The following ZMAT1 variants were observed in gnomAD, a reference collection of about 807,000 sequenced individuals.
The protein encoded by ZMAT1 is zinc finger matrin-type 1, also known as zinc finger matrin-type protein 1.
ZMAT1 carries 11 observed loss-of-function variants against 18.5 expected under a neutral mutation model. That is an observed-to-expected ratio of 0.59 (90% confidence interval 0.37 to 0.98). The LOEUF (loss-of-function observed/expected upper bound fraction) is 0.98, where lower values mean the gene tolerates loss of function less well. ZMAT1 is among the 50% of genes least tolerant of loss of function. ZMAT1 has a pLI of 0.01. For synonymous variants in ZMAT1, 211 were observed against 176.4 expected (o/e 1.20, Z -1.55); for missense variants, 525 against 496.2 (o/e 1.06, Z -0.55).
chrX:101,884,936 G>T (rs1603272331), intron 5 of ZMAT1, 115 bp from the exon 6 acceptor site: 2 of 458,264 alleles, frequency 4.4e-6, no homozygotes, highest in East Asian at 4.0e-5. Context: ...AACCCAAACA[G>T]ATTTTAAAAA....
intron 1 of ZMAT1, among the ~76,000 whole-genome samples, chrX:101,924,367 C>A (rs1929929587): frequency 8.9e-6 from 1 of 112,153 alleles, no homozygotes; most frequent in Non-Finnish European, 1.9e-5. Context: ...TCATCTCGGC[C>A]TCCCAAAGTG....
Position 101,883,802 on chromosome X carries a change from T to C in ZMAT1, c.1796A>G (p.Lys599Arg). The change falls in exon 6 of 6, where the codon AAA becomes AGA. Residue 599 changes from lysine to arginine, a missense_variant. Lys to Arg is a conservative substitution (Grantham distance 26, BLOSUM62 2). Transcript: ENST00000651725. ...TTCTTTGCCTTCTTCTAGGTGTCGT[T>C]TTCTCTTCTGATGTTTCCGTTTATG... ...AGHKRKHQKR[K>R]RHLEEGKERP... 7 of 1,210,624 alleles carry C rather than the reference T, an allele frequency of 5.8e-6. No individual in the cohort carries two copies. The highest frequency in any genetic ancestry group is 7.8e-6 in the Non-Finnish European group (7 of 895,167).
At chrX:101,908,419 G>GA (rs745524304) in intron 1 of ZMAT1, among the ~76,000 whole-genome samples, 1 of 111,141 alleles carries the variant, frequency 9.0e-6, no homozygotes, top group Admixed American at 9.5e-5. Context: ...TATCTACACA[G>GA]AAAAAAATAC....
chrX:101,931,518 G>T (rs1048456723), intron 1 of ZMAT1, 199 bp downstream of exon 1: 1 of 747,403 alleles, frequency 1.3e-6, no homozygotes, highest in Non-Finnish European at 1.6e-6. Context: ...GAGAGGTAGG[G>T]AAGGCCCTCT....
chrX:101,909,257 A>G lies in ZMAT1; in HGVS notation c.293-4927T>C, dbSNP rs1432554557. Among the ~76,000 whole-genome samples, 3 of 110,765 alleles carry G rather than the reference A, an allele frequency of 2.7e-5. No individual in the cohort carries two copies. In the Admixed American group the frequency reaches 2.9e-4, roughly 11 times the overall value. On this transcript the variant is annotated intron_variant, in intron 1 of 5. Coordinates refer to ENST00000651725, the MANE Select transcript of ZMAT1 (RefSeq NM_001394560.1). ...CTGAAGAGCCCTTGGGACCTGAATA[A>G]CCAGCAGTGATACCCAGGAACTACC...
intron 4 of ZMAT1, chrX:101,887,674 A>G (rs1188237993): frequency 9.0e-6 from 1 of 111,260 alleles, no homozygotes; most frequent in Non-Finnish European, 1.9e-5. Flanking sequence ...TAGAAACAGG[A>G]GACTGCTTGC....
chrX:101,907,355 G>A (rs902975691), intron 1 of ZMAT1, among the ~76,000 whole-genome samples: 1 of 112,333 alleles, frequency 8.9e-6, no homozygotes, highest in African/African-American at 3.2e-5. Flanking sequence ...CAACCCTGAA[G>A]ACCCAGATAC....
Position 101,882,991 on chromosome X carries a change from G to T in ZMAT1, c.*519C>A, listed in dbSNP as rs994790016. The T allele has an allele frequency of 5.4e-5, 6 of 110,863 alleles. No homozygotes were observed. The highest frequency in any genetic ancestry group is 2.0e-4 in the African/African-American group (6 of 30,630). 9.1% of individuals were successfully genotyped at this position (110,863 alleles called of 1,213,427 possible). On this transcript the variant is annotated 3_prime_UTR_variant, in exon 6 of 6. Coordinates refer to ENST00000651725, the MANE Select transcript of ZMAT1 (RefSeq NM_001394560.1). ...TTGAGTAGGTTTCTTTTTCTCTTAA[G>T]TTCTTGTGTTCTCATGTTAGTGTTG...
chrX:101,911,497 G>A (rs752241596), intron 1 of ZMAT1: 12 of 787,313 alleles, frequency 1.5e-5, no homozygotes, highest in East Asian at 6.8e-5. Flanking sequence ...AGTACAGTAA[G>A]ATATAAGTAA....
chrX:101,921,617 A>G (rs748109953), intron 1 of ZMAT1, among the ~76,000 whole-genome samples: 36 of 112,090 alleles, frequency 3.2e-4, no homozygotes, highest in Non-Finnish European at 5.3e-4. Context: ...GACTAAGAAC[A>G]TATCACAGCC....
intron 4 of ZMAT1, chrX:101,888,582 AT>A (rs368030958): frequency 4.5e-5 from 5 of 112,017 alleles, no homozygotes; most frequent in African/African-American, 1.6e-4. Flanking sequence ...TTTACACACG[AT>A]TTAACTGTGC....
intron 2 of ZMAT1, among the ~76,000 whole-genome samples, chrX:101,898,513 C>T (rs1455079242): frequency 8.9e-6 from 1 of 112,058 alleles, no homozygotes; most frequent in Non-Finnish European, 1.9e-5. Flanking sequence ...AGTTAAAAGA[C>T]TATGTTTTTC....
chrX:101,920,096 G>C (rs769086696), intron 1 of ZMAT1, among the ~76,000 whole-genome samples: 2 of 106,040 alleles, frequency 1.9e-5, no homozygotes, highest in South Asian at 8.6e-4. Context: ...CTGGAGTGCA[G>C]TGGCGCAATC....
At chrX:101,918,117 T>C (rs528854395) in intron 1 of ZMAT1, among the ~76,000 whole-genome samples, 1 of 111,558 alleles carries the variant, frequency 9.0e-6, no homozygotes, top group Non-Finnish European at 1.9e-5. Context: ...TAGTATTTGA[T>C]AGCACAACAA....
intron 2 of ZMAT1, 129 bp downstream of exon 2, chrX:101,904,095 C>A (rs2147626698): frequency 4.6e-6 from 2 of 435,970 alleles, no homozygotes; most frequent in Non-Finnish European, 7.7e-6. Flanking sequence ...TCTCCTCATC[C>A]ATCAAAGGAA....
intron 1 of ZMAT1, 34 bp from the exon 2 acceptor site, chrX:101,904,364 A>T: frequency 1.0e-6 from 1 of 992,713 alleles, no homozygotes; most frequent in Non-Finnish European, 1.4e-6. Context: ...AATATATCAC[A>T]TTAATAAATA....
intron 2 of ZMAT1, among the ~76,000 whole-genome samples, chrX:101,898,467 C>A (rs1476523728): frequency 1.8e-5 from 2 of 111,974 alleles, no homozygotes; most frequent in Non-Finnish European, 3.8e-5. Flanking sequence ...CAAATATCTT[C>A]TTTTTACTTA....
chrX:101,904,089 C>T (rs1208746655), intron 2 of ZMAT1, 135 bp downstream of exon 2: 1 of 430,247 alleles, frequency 2.3e-6, no homozygotes, highest in Non-Finnish European at 3.9e-6. Context: ...AGCCAATCTC[C>T]TCATCCATCA....
At chrX:101,925,175 T>A (rs1209632908) in intron 1 of ZMAT1, among the ~76,000 whole-genome samples, 1 of 112,217 alleles carries the variant, frequency 8.9e-6, no homozygotes, top group Admixed American at 9.5e-5. Flanking sequence ...ACAATCCACT[T>A]CTGAATAACA....
Sources: allele counts gnomAD v4.1 joint callset (sites outside exome capture counted in the v4.1 genomes callset), GRCh38; gene constraint gnomAD v4.1.1; transcripts MANE v1.5; gene names NCBI Gene and HGNC (gene_info 2026-07-23, HGNC 2026-07-21).